The following PIK3C2G variants were observed in gnomAD, a reference collection of about 807,000 sequenced individuals.
PIK3C2G encodes the protein phosphatidylinositol 3-kinase C2 domain-containing subunit gamma.
A neutral mutation model predicts 181.1 loss-of-function variants in PIK3C2G; 168 were observed. The observed-to-expected ratio is 0.93, with a 90% CI of 0.82 to 1.05. PIK3C2G has a LOEUF of 1.05. PIK3C2G is among the 50% of genes least tolerant of loss of function. The pLI, the probability that PIK3C2G is intolerant of heterozygous loss-of-function variation, is 0.00. For synonymous variants in PIK3C2G, 573 were observed against 592.2 expected (o/e 0.97, Z 0.47); for missense variants, 1,869 against 1,732.8 (o/e 1.08, Z -1.40).
rs148055407 is a variant in PIK3C2G at position 18,383,543 on chromosome 12, A to T, written c.1995+1663A>T. ...TTTAAGTGGGAAGGATTATCCAGTC[A>T]TAAAGGAATGCACAATGCAAACACA... On this transcript the variant is annotated intron_variant, in intron 14 of 32. Transcript: ENST00000538779. 5.6e-3 allele frequency among the ~76,000 whole-genome samples: 857 copies of T among 152,340 alleles called. 8 individuals carry two copies. Among genetic ancestry groups the T allele is most frequent in the African/African-American group, 0.02 (825 of 41,580 alleles).
At chr12:18,550,759 A>T (rs1466510769) in intron 26 of PIK3C2G, among the ~76,000 whole-genome samples, 1 of 151,934 alleles carries the variant, frequency 6.6e-6, no homozygotes, top group African/African-American at 2.4e-5. Flanking sequence ...AGACAAGAAA[A>T]CCCCTTCTCC....
chr12:18,625,216 T>C (rs1431852566), intron 31 of PIK3C2G, among the ~76,000 whole-genome samples: 2 of 151,794 alleles, frequency 1.3e-5, no homozygotes, highest in Non-Finnish European at 3.0e-5. Flanking sequence ...TGTTATGTTA[T>C]GTTTTCATTT....
At chr12:18,622,789 G>T (rs1429380254) in intron 31 of PIK3C2G, among the ~76,000 whole-genome samples, 7 of 151,644 alleles carry the variant, frequency 4.6e-5, no homozygotes, top group Non-Finnish European at 1.0e-4. Flanking sequence ...TAATGCATCT[G>T]CCTAATAATT....
At position 18,515,532 on chromosome 12, in the gene PIK3C2G, C is replaced by T. The variant is rs560680150; in HGVS notation, c.3323+10071C>T. Among the ~76,000 whole-genome samples the T allele has an allele frequency of 3.3e-4, 50 of 152,108 alleles. 2 individuals are homozygous for T. Among genetic ancestry groups the T allele is most frequent in the African/African-American group, 1.1e-3 (47 of 41,568 alleles). On this transcript the variant is annotated intron_variant, in intron 24 of 32. Transcript: ENST00000538779. ...ATATAATTGCCCATAATAGTCTCTT[C>T]TGAGCCTTTGTATTTCTATCATATC...
chr12:18,650,323 C>CTATATATA (rs1213171244), downstream of PIK3C2G, among the ~76,000 whole-genome samples: 18 of 77,960 alleles, frequency 2.3e-4, no homozygotes, highest in Admixed American at 6.1e-4. Context: ...CTCTCTCTCT[C>CTATATATA]TCTCTCTCTA....
chr12:18,648,956 C>T (rs1950302976), downstream of PIK3C2G, among the ~76,000 whole-genome samples: 1 of 152,072 alleles, frequency 6.6e-6, no homozygotes, highest in Admixed American at 6.6e-5. Context: ...GAAAAAAAAT[C>T]TAAGCTTTTT....
At chr12:18,244,319 T>G (rs1948016769), upstream of PIK3C2G, among the ~76,000 whole-genome samples, 1 of 152,000 alleles carries the variant, frequency 6.6e-6, no homozygotes, top group Non-Finnish European at 1.5e-5. Flanking sequence ...AATTCCAGTA[T>G]AGTGAGCTCT....
At chr12:18,327,223 T>C (rs1438571332) in intron 8 of PIK3C2G, among the ~76,000 whole-genome samples, 2 of 152,092 alleles carry the variant, frequency 1.3e-5, no homozygotes, top group Non-Finnish European at 2.9e-5. Flanking sequence ...GATTTTTGCC[T>C]ATGAAACATC....
intron 18 of PIK3C2G, among the ~76,000 whole-genome samples, chr12:18,454,303 T>A (rs1242345141): frequency 1.3e-5 from 2 of 152,098 alleles, no homozygotes. Context: ...GGACCTATGT[T>A]GGGAGGAGGC....
chr12:18,478,443 T>A (rs1047504513), intron 18 of PIK3C2G, among the ~76,000 whole-genome samples: 1 of 152,174 alleles, frequency 6.6e-6, no homozygotes, highest in Non-Finnish European at 1.5e-5. Context: ...TTGCTTTCAA[T>A]GTGGCCTCTT....
chr12:18,352,915 C>T (rs986245625), intron 11 of PIK3C2G, among the ~76,000 whole-genome samples: 1 of 152,152 alleles, frequency 6.6e-6, no homozygotes, highest in Non-Finnish European at 1.5e-5. Flanking sequence ...TGCCACTCCA[C>T]CACTCAGCTG....
At chr12:18,599,680 AT>A (rs1947596967) in intron 30 of PIK3C2G, among the ~76,000 whole-genome samples, 1 of 97,356 alleles carries the variant, frequency 1.0e-5, no homozygotes, top group African/African-American at 3.9e-5. Context: ...ATAAATATAA[AT>A]AAAAAAAAAT....
intron 30 of PIK3C2G, chr12:18,607,207 T>C: frequency 1.9e-6 from 1 of 514,386 alleles, no homozygotes; most frequent in Admixed American, 2.0e-5. Flanking sequence ...CAAAAATGGT[T>C]AACAAAATGA....
intron 26 of PIK3C2G, among the ~76,000 whole-genome samples, chr12:18,556,635 T>G (rs1945026761): frequency 6.6e-6 from 1 of 152,152 alleles, no homozygotes; most frequent in African/African-American, 2.4e-5. Context: ...CAGTAAATGT[T>G]TGTTGGATCG....
At chr12:18,645,884 T>G (rs1209874087) in intron 32 of PIK3C2G, among the ~76,000 whole-genome samples, 1 of 152,214 alleles carries the variant, frequency 6.6e-6, no homozygotes, top group Non-Finnish European at 1.5e-5. Context: ...CCCATTTTTC[T>G]GCATCATATA....
chr12:18,497,797 A>T, intron 22 of PIK3C2G, 49 bp downstream of exon 22: 1 of 1,430,902 alleles, frequency 7.0e-7, no homozygotes, highest in Non-Finnish European at 9.4e-7. Flanking sequence ...TATTTCACAC[A>T]TTCACTAGTA....
intron 13 of PIK3C2G, 127 bp downstream of exon 13, chr12:18,371,438 T>C: frequency 2.6e-6 from 2 of 761,336 alleles, no homozygotes; most frequent in East Asian, 3.0e-5. Flanking sequence ...CATAGTTCAA[T>C]ATAAATCGTG....
At position 18,319,849 on chromosome 12, in the gene PIK3C2G, CT is replaced by C. The variant is rs1487588075; in HGVS notation, c.1138-1108del. ...AAAAAATTGTCTTGTCACCATCACA[CT>C]TTTTATTTTAGCTGTCCCAGTGACT... On this transcript the variant is annotated intron_variant, in intron 6 of 32. Coordinates refer to ENST00000538779, the MANE Select transcript of PIK3C2G (RefSeq NM_001288772.2). Among the ~76,000 whole-genome samples, 3 of 152,086 alleles carry C rather than the reference CT, an allele frequency of 2.0e-5. No homozygotes were observed. In the East Asian group the frequency reaches 5.8e-4, roughly 29 times the overall value.
chr12:18,375,430 G>C (rs73066506), intron 13 of PIK3C2G, among the ~76,000 whole-genome samples: 22,046 of 152,216 alleles, frequency 0.14, 2,054 homozygotes, highest in Admixed American at 0.27. Flanking sequence ...AAGCATCCAA[G>C]AGGTGGCCTG....
Sources: gnomAD v4.1 joint callset for allele counts (sites outside exome capture counted in the v4.1 genomes callset) on GRCh38, gnomAD v4.1.1 for gene constraint, MANE v1.5 for transcripts, NCBI Gene and HGNC (gene_info 2026-07-23, HGNC 2026-07-21) for gene names.